The following ST8SIA4 variants were observed in gnomAD, a reference collection of about 807,000 sequenced individuals.
The protein encoded by ST8SIA4 is ST8 alpha-N-acetyl-neuraminide alpha-2,8-sialyltransferase 4, also known as CMP-N-acetylneuraminate-poly-alpha-2,8-sialyltransferase.
A neutral mutation model predicts 33.9 loss-of-function variants in ST8SIA4; 15 were observed. The observed-to-expected ratio is 0.44, with a 90% confidence interval of 0.30 to 0.68. ST8SIA4 has a LOEUF of 0.68. Ranked by LOEUF, ST8SIA4 falls within the 30% of genes least tolerant of loss-of-function variation. The pLI is 0.10. For missense variants in ST8SIA4, 321 were observed against 428.0 expected, an observed-to-expected ratio of 0.75 and a Z score of 2.21; for synonymous variants, 171 against 151.2, an observed-to-expected ratio of 1.13 and a Z score of -0.96.
chr5:100,832,001 T>A (rs1265626680), intron 4 of ST8SIA4, among the ~76,000 whole-genome samples: 1 of 152,016 alleles, frequency 6.6e-6, no homozygotes, highest in Non-Finnish European at 1.5e-5. Context: ...CTAGGAAATA[T>A]TTAGAAGGAA....
chr5:100,892,421 T>C (rs1752691786), intron 2 of ST8SIA4, among the ~76,000 whole-genome samples: 1 of 152,118 alleles, frequency 6.6e-6, no homozygotes, highest in South Asian at 2.1e-4. Flanking sequence ...CCATATATCG[T>C]GAATCCTCAA....
chr5:100,854,789 G>T (rs1417223118), intron 4 of ST8SIA4, among the ~76,000 whole-genome samples: 2 of 152,130 alleles, frequency 1.3e-5, no homozygotes, highest in South Asian at 2.1e-4. Context: ...GTCTGGGCTT[G>T]GAAACCTGTT....
At chr5:100,822,673 C>T (rs536942533) in intron 4 of ST8SIA4, among the ~76,000 whole-genome samples, 1 of 152,224 alleles carries the variant, frequency 6.6e-6, no homozygotes, top group Non-Finnish European at 1.5e-5. Context: ...GTACATGTGT[C>T]AGAGGCATTT....
chr5:100,850,836 A>G (rs997430112), intron 4 of ST8SIA4, among the ~76,000 whole-genome samples: 37 of 151,890 alleles, frequency 2.4e-4, no homozygotes, highest in Admixed American at 5.9e-4. Flanking sequence ...ACAGACAAAA[A>G]GGATAGATGA....
At chr5:100,819,249 C>T (rs190543310) in intron 4 of ST8SIA4, among the ~76,000 whole-genome samples, 152 of 152,302 alleles carry the variant, frequency 1.0e-3, no homozygotes, top group African/African-American at 3.6e-3. Context: ...TTAAAGCAGA[C>T]ACTGGGTGTC....
At chr5:100,824,897 A>C (rs1580450600) in intron 4 of ST8SIA4, among the ~76,000 whole-genome samples, 1 of 6,382 alleles carries the variant, frequency 1.6e-4, no homozygotes, top group East Asian at 8.2e-3. Context: ...CTGTCTTGAC[A>C]AAAAAAAAAA....
intron 4 of ST8SIA4, among the ~76,000 whole-genome samples, chr5:100,818,900 G>C (rs1301459370): frequency 6.6e-6 from 1 of 152,094 alleles, no homozygotes; most frequent in African/African-American, 2.4e-5. Flanking sequence ...TTTGCTGTTA[G>C]CTCTGAATTT....
chr5:100,872,918 C>T (rs1048434172), intron 3 of ST8SIA4, among the ~76,000 whole-genome samples: 2 of 150,790 alleles, frequency 1.3e-5, no homozygotes, highest in Admixed American at 6.6e-5. Flanking sequence ...GGAGCTCCAG[C>T]GTGCCTAGGG....
chr5:100,886,628 A>G lies in ST8SIA4; in HGVS notation c.246-28T>C, dbSNP rs372197672. On this transcript the variant is annotated intron_variant, in intron 2 of 4. Coordinates refer to ENST00000231461, the MANE Select transcript of ST8SIA4 (RefSeq NM_005668.6). The stretch of plus-strand genomic sequence containing the variant: ...GTATTTGAAATACAAGCAAAGTTTT[A>G]CATTACCATCAGCATATCCAAGAAC... 11 of 1,573,206 alleles carry G rather than the reference A, an allele frequency of 7.0e-6. No homozygotes were observed. In the African/African-American group the frequency reaches 1.3e-4, roughly 19 times the overall value.
intron 4 of ST8SIA4, 140 bp downstream of exon 4, chr5:100,855,963 A>G (rs1751805730): frequency 1.2e-6 from 1 of 847,024 alleles, no homozygotes; most frequent in African/African-American, 1.7e-5. Flanking sequence ...TCAAGTTTGT[A>G]AATAGAGTAA....
intron 4 of ST8SIA4, among the ~76,000 whole-genome samples, chr5:100,833,912 C>A (rs141273159): frequency 8.5e-5 from 13 of 152,066 alleles, no homozygotes; most frequent in South Asian, 2.1e-4. Flanking sequence ...ATATAATTAT[C>A]CAAGTGAGGT....
At chr5:100,844,364 C>T (rs749845224) in intron 4 of ST8SIA4, among the ~76,000 whole-genome samples, 6 of 151,854 alleles carry the variant, frequency 4.0e-5, no homozygotes, top group Admixed American at 1.3e-4. Context: ...AATGTACTAT[C>T]TTGAAGGGAG....
intron 4 of ST8SIA4, among the ~76,000 whole-genome samples, chr5:100,831,976 T>G (rs1037086104): frequency 2.0e-5 from 3 of 152,096 alleles, no homozygotes; most frequent in Non-Finnish European, 1.5e-5. Context: ...CATAACTTTA[T>G]TTAAAATATT....
chr5:100,864,771 C>G (rs1752027894), intron 3 of ST8SIA4, among the ~76,000 whole-genome samples: 1 of 151,920 alleles, frequency 6.6e-6, no homozygotes, highest in Non-Finnish European at 1.5e-5. Context: ...AAGCACATAG[C>G]AATATCAGTG....
intron 4 of ST8SIA4, among the ~76,000 whole-genome samples, chr5:100,848,135 C>A (rs1342496132): frequency 7.3e-5 from 11 of 151,700 alleles, no homozygotes; most frequent in Non-Finnish European, 1.3e-4. Context: ...GATGGCATGT[C>A]AAACACCAAC....
intron 2 of ST8SIA4, among the ~76,000 whole-genome samples, chr5:100,894,226 G>A (rs1752733790): frequency 6.6e-6 from 1 of 152,074 alleles, no homozygotes; most frequent in South Asian, 2.1e-4. Flanking sequence ...ATTCAGAGTT[G>A]TCAAATCATT....
At chr5:100,866,985 C>T (rs1752080297) in intron 3 of ST8SIA4, among the ~76,000 whole-genome samples, 4 of 151,986 alleles carry the variant, frequency 2.6e-5, no homozygotes, top group Non-Finnish European at 5.9e-5. Flanking sequence ...TTATCACAGA[C>T]CATTAAGAAT....
At chr5:100,887,449 T>G (rs1164446960) in intron 2 of ST8SIA4, among the ~76,000 whole-genome samples, 3 of 152,064 alleles carry the variant, frequency 2.0e-5, no homozygotes, top group African/African-American at 7.2e-5. Flanking sequence ...TGAGTTTAAG[T>G]GAGAAATAAA....
chr5:100,902,660 G>A (rs974212829), intron 1 of ST8SIA4, among the ~76,000 whole-genome samples, 183 bp downstream of exon 1: 7 of 152,174 alleles, frequency 4.6e-5, no homozygotes, highest in Admixed American at 4.6e-4. Context: ...AACTCATACT[G>A]GGAACAGCTT....
Sources: gnomAD v4.1 joint callset for allele counts (sites outside exome capture counted in the v4.1 genomes callset) on GRCh38, gnomAD v4.1.1 for gene constraint, MANE v1.5 for transcripts, NCBI Gene and HGNC (gene_info 2026-07-23, HGNC 2026-07-21) for gene names.